The following GRAMD1C variants were observed in gnomAD, a reference collection of about 807,000 sequenced individuals.
The protein encoded by GRAMD1C is GRAM domain containing 1C.
Under a neutral mutation model 97.8 loss-of-function variants are expected in GRAMD1C, and 89 were observed. The ratio of observed to expected loss-of-function variants is 0.91; its 90% CI spans 0.77 to 1.09. GRAMD1C has a LOEUF of 1.09. GRAMD1C is among the 50% of genes least tolerant of loss of function. The probability of loss-of-function intolerance (pLI) is 0.00; values close to 1 mark genes in which losing one functional copy is unlikely to be tolerated. For missense variants in GRAMD1C, 740 were observed against 766.4 expected, an observed-to-expected ratio of 0.97 and a Z score of 0.41; for synonymous variants, 256 against 267.0, an observed-to-expected ratio of 0.96 and a Z score of 0.40.
intron 5 of GRAMD1C, among the ~76,000 whole-genome samples, chr3:113,877,782 GT>G (rs200353145): frequency 0.013 from 1,915 of 143,906 alleles, 17 homozygotes; most frequent in East Asian, 0.051. Context: ...TTGGGGAAAG[GT>G]TTTTTTTTTT....
At chr3:113,917,112 A>G (rs1936840912) in intron 10 of GRAMD1C, among the ~76,000 whole-genome samples, 1 of 152,142 alleles carries the variant, frequency 6.6e-6, no homozygotes, top group Non-Finnish European at 1.5e-5. Flanking sequence ...CTCCAGTGCC[A>G]CTCTATCCAG....
At chr3:113,934,084 T>A (rs185247581) in intron 12 of GRAMD1C, among the ~76,000 whole-genome samples, 30 of 152,356 alleles carry the variant, frequency 2.0e-4, no homozygotes, top group Admixed American at 1.9e-3. Flanking sequence ...CTGGTTAATG[T>A]AGTTACTTTC....
chr3:113,833,760 C>G (rs1046765299), intron 1 of GRAMD1C, among the ~76,000 whole-genome samples: 5 of 152,142 alleles, frequency 3.3e-5, no homozygotes, highest in Non-Finnish European at 4.4e-5. Context: ...CTTAATTAAG[C>G]ATTCCCCTGA....
At chr3:113,830,209 T>C (rs1709539605) in intron 1 of GRAMD1C, among the ~76,000 whole-genome samples, 1 of 152,194 alleles carries the variant, frequency 6.6e-6, no homozygotes, top group Non-Finnish European at 1.5e-5. Context: ...TCTTTTATTA[T>C]GGAGATGGGT....
At chr3:113,902,340 A>G (rs550280165) in intron 7 of GRAMD1C, among the ~76,000 whole-genome samples, 25 of 152,198 alleles carry the variant, frequency 1.6e-4, no homozygotes, top group Non-Finnish European at 1.5e-5. Context: ...TTTCCATTGT[A>G]TTGTTCTCCT....
chr3:113,834,714 T>C (rs1418544117), upstream of GRAMD1C, among the ~76,000 whole-genome samples: 1 of 149,144 alleles, frequency 6.7e-6, no homozygotes, highest in East Asian at 2.0e-4. Context: ...GGAGGGTGGA[T>C]CATGAGGTCA....
rs1559789154 is a variant in GRAMD1C, at chr3:113,875,464, T to C, written c.260-20T>C. On this transcript the variant is annotated intron_variant, in intron 3 of 17. Transcript: ENST00000358160. ...CTCAGATTTTCGTGAATAAGCTGTA[T>C]CTTATTTTTGTGTATATAGATTATG... 4 of 998,934 alleles carry C rather than the reference T, an allele frequency of 4.0e-6. No individual in the cohort carries two copies. 61.9% of individuals were successfully genotyped at this position (998,934 alleles called of 1,614,324 possible). A position where few individuals can be genotyped will look rare whatever the true frequency, so the allele number is the denominator to read the frequency against.
chr3:113,865,048 G>A (rs1236151837), intron 2 of GRAMD1C, among the ~76,000 whole-genome samples: 1 of 152,164 alleles, frequency 6.6e-6, no homozygotes, highest in Non-Finnish European at 1.5e-5. Context: ...GAAAGTTCAA[G>A]ATCAGGTGGT....
At chr3:113,892,912 A>G (rs545139673) in intron 6 of GRAMD1C, among the ~76,000 whole-genome samples, 54 of 152,132 alleles carry the variant, frequency 3.5e-4, no homozygotes, top group Non-Finnish European at 6.6e-4. Flanking sequence ...TTGTTTTTGT[A>G]TGGTCTGCAC....
At chr3:113,899,831 CAAAG>C (rs1251037065) in intron 6 of GRAMD1C, among the ~76,000 whole-genome samples, 2 of 151,846 alleles carry the variant, frequency 1.3e-5, no homozygotes, top group African/African-American at 4.8e-5. Context: ...TTTCTGCCTA[CAAAG>C]AAAGAACAAG....
In GRAMD1C at chr3:113,915,703, A is replaced by T. The variant is rs1356678979; in HGVS notation, c.955A>T (p.Asn319Tyr). The T allele has an allele frequency of 6.2e-7, 1 of 1,606,014 alleles. No homozygotes were observed. The highest frequency in any genetic ancestry group is 1.1e-5 in the South Asian group (1 of 89,730). Reference protein sequence around the residue: ...SSTSDSVDEENVPEKDLHGRL... With the variant: ...SSTSDSVDEEYVPEKDLHGRL... Reference sequence around the variant, plus strand: ...GGTTTGTGTTTCTGTTTTTCCAGAAAATGTTCCTGAGAAAGATCTTCATGG... The same window carrying T: ...GGTTTGTGTTTCTGTTTTTCCAGAATATGTTCCTGAGAAAGATCTTCATGG... Residue 319 changes from asparagine to tyrosine, a missense_variant and splice_region_variant, in exon 10 of 18, where the codon AAT becomes TAT. Physicochemically the swap from Asn to Tyr is moderately radical, Grantham distance 143 (BLOSUM62 -2). Coordinates refer to ENST00000358160, the MANE Select transcript of GRAMD1C (RefSeq NM_017577.5).
intron 3 of GRAMD1C, among the ~76,000 whole-genome samples, chr3:113,874,519 A>G (rs866797938): frequency 6.6e-6 from 1 of 151,968 alleles, no homozygotes; most frequent in Non-Finnish European, 1.5e-5. Context: ...TAATTTTTGT[A>G]TTTTTAGTAG....
chr3:113,895,559 C>A (rs1010283430), intron 6 of GRAMD1C, among the ~76,000 whole-genome samples: 4 of 152,128 alleles, frequency 2.6e-5, no homozygotes, highest in African/African-American at 9.7e-5. Flanking sequence ...CAAAAGTTTT[C>A]CAGTAGTGCT....
chr3:113,844,982 G>A (rs1024334071), intron 2 of GRAMD1C: 7 of 170,030 alleles, frequency 4.1e-5, no homozygotes, highest in Non-Finnish European at 6.2e-5. Context: ...TTACTGAGAA[G>A]CCAGCTATTT....
chr3:113,849,390 G>C (rs1158848267), intron 2 of GRAMD1C, among the ~76,000 whole-genome samples: 1 of 151,886 alleles, frequency 6.6e-6, no homozygotes, highest in Non-Finnish European at 1.5e-5. Flanking sequence ...AAGCTCAGCA[G>C]ATAAACAAGT....
At chr3:113,835,795 G>T (rs1180764944), upstream of GRAMD1C, among the ~76,000 whole-genome samples, 4 of 152,058 alleles carry the variant, frequency 2.6e-5, no homozygotes, top group Admixed American at 6.6e-5. Flanking sequence ...CCTTCTTTTT[G>T]TCTTACTCTA....
Position 113,901,126 on chromosome 3 carries a change from G to T in GRAMD1C, c.636G>T (p.Ser212=). 1.3e-6 allele frequency: 2 copies of T among 1,584,846 alleles called. No homozygotes were observed. The highest frequency in any genetic ancestry group is 1.1e-5 in the South Asian group (1 of 90,330). Residue 212 remains serine (S), a synonymous_variant, in exon 7 of 18, where the codon TCG becomes TCT. Transcript: ENST00000358160. Reference sequence around the variant, plus strand: ...AGGAGATGGAAAACTTGTCACTGTCGATTGAGGATGTGCAGCCAAGGTACA... The same window carrying T: ...AGGAGATGGAAAACTTGTCACTGTCTATTGAGGATGTGCAGCCAAGGTACA... ...NAEEMENLSL[S]IEDVQPRSPG...
intron 7 of GRAMD1C, among the ~76,000 whole-genome samples, chr3:113,903,237 T>G (rs1178003235): frequency 6.6e-6 from 1 of 151,684 alleles, no homozygotes; most frequent in Non-Finnish European, 1.5e-5. Context: ...CCTCCCAAAG[T>G]GTTGGGATTA....
intron 10 of GRAMD1C, chr3:113,920,340 G>A (rs998345817): frequency 5.7e-6 from 2 of 351,994 alleles, no homozygotes; most frequent in East Asian, 5.2e-5. Flanking sequence ...ATCTTACAGT[G>A]CTGCATTTAT....
Sources: allele counts gnomAD v4.1 joint callset (sites outside exome capture counted in the v4.1 genomes callset), GRCh38; gene constraint gnomAD v4.1.1; transcripts MANE v1.5; gene names NCBI Gene and HGNC (gene_info 2026-07-23, HGNC 2026-07-21).